The following LCN1 variants were observed in gnomAD, a reference collection of about 807,000 sequenced individuals.
LCN1 encodes the protein lipocalin 1.
LCN1 carries 25 observed loss-of-function variants against 22.3 expected under a neutral mutation model. The observed-to-expected ratio is 1.12, with a 90% CI of 0.82 to 1.56. LCN1 has a LOEUF of 1.56. LCN1 is among the 40% of genes most tolerant of loss of function. The probability of loss-of-function intolerance (pLI) is 0.00; values close to 1 mark genes in which losing one functional copy is unlikely to be tolerated. For synonymous variants in LCN1, 85 were observed against 97.6 expected, an observed-to-expected ratio of 0.87 and a Z score of 0.76; for missense variants, 219 against 235.6, an observed-to-expected ratio of 0.93 and a Z score of 0.46.
At position 135,521,493 on chromosome 9, in the gene LCN1, C is replaced by T. The variant is rs201058632; in HGVS notation, c.-5C>T. The T allele has an allele frequency of 1.2e-4, 201 of 1,611,578 alleles. No individual in the cohort carries two copies. The Middle Eastern group carries it at 3.2e-3, about 26-fold the overall frequency. On this transcript the variant is annotated 5_prime_UTR_variant, in exon 1 of 7. Coordinates refer to ENST00000371781, the MANE Select transcript of LCN1 (RefSeq NM_002297.4). ...GTCAGGCGGCCGTGGACTCAGACTC[C>T]GGAGATGAAGCCCCTGCTCCTGGCC... is the stretch of plus-strand genomic sequence containing the variant.
At position 135,524,004 on chromosome 9, in the gene LCN1, C is replaced by A. The variant is rs1407929344; in HGVS notation, c.403+14C>A. On this transcript the variant is annotated intron_variant, in intron 4 of 6. Transcript: ENST00000371781. ...TGAAGCTCGTGGGTGGGTCCCGCACCCTCACCCTGCAACCCATGCCTCCAC... is the reference window on the plus strand; with the variant it reads ...TGAAGCTCGTGGGTGGGTCCCGCACACTCACCCTGCAACCCATGCCTCCAC... 3 of 1,597,260 alleles carry A rather than the reference C, an allele frequency of 1.9e-6. No homozygotes were observed. In the Admixed American group the frequency reaches 5.0e-5, roughly 27 times the overall value.
chr9:135,522,488 C>T lies in LCN1; in HGVS notation c.221+311C>T, dbSNP rs58661479. ...TTTGGGAAAAGGTGTTTACCCCCGA[C>T]CAGAGTCAGAGCCAGTCCTGGCAGT... On this transcript the variant is annotated intron_variant, in intron 2 of 6. Transcript: ENST00000371781. 4.1e-3 allele frequency among the ~76,000 whole-genome samples: 631 copies of T among 152,346 alleles called. 5 individuals carry two copies. The highest frequency in any genetic ancestry group is 0.015 in the African/African-American group (606 of 41,576).
chr9:135,521,973 A>G (rs1201659193), intron 1 of LCN1, 74 bp from the exon 2 acceptor site: 9 of 1,556,208 alleles, frequency 5.8e-6, no homozygotes, highest in Non-Finnish European at 7.8e-6. Flanking sequence ...GGTAGAGTCT[A>G]GGGGCTGCAG....
intron 2 of LCN1, among the ~76,000 whole-genome samples, chr9:135,523,014 C>A (rs531602314): frequency 6.6e-6 from 1 of 152,148 alleles, no homozygotes; most frequent in African/African-American, 2.4e-5. Flanking sequence ...CCAGGAGGAG[C>A]GGTGCAGAGC....
chr9:135,524,011 C>G (rs1313724973), intron 4 of LCN1, 21 bp downstream of exon 4: 1 of 1,584,978 alleles, frequency 6.3e-7, no homozygotes, highest in Non-Finnish European at 8.7e-7. Flanking sequence ...CACCCTCACC[C>G]TGCAACCCAT....
rs369346571 is a variant in LCN1 at position 135,523,285 on chromosome 9, C to T, written c.275C>T (p.Pro92Leu). Reference protein sequence around the residue: ...VKAVLEKTDEPGKYTADGGKH... With the variant: ...VKAVLEKTDELGKYTADGGKH... The stretch of plus-strand genomic sequence containing the variant: ...GCCGTCCTGGAGAAAACTGACGAGC[C>T]GGGAAAATACACGGCCGGTGAGTCC... Residue 92 changes from proline to leucine, a missense_variant, in exon 3 of 7, where the codon CCG (proline) becomes CTG (leucine). Pro to Leu is a moderately conservative substitution (Grantham distance 98). Coordinates refer to ENST00000371781, the MANE Select transcript of LCN1 (RefSeq NM_002297.4). 26 of 1,612,916 alleles carry T rather than the reference C, an allele frequency of 1.6e-5. No individual in the cohort carries two copies. Among genetic ancestry groups the T allele is most frequent in the African/African-American group, 1.1e-4 (8 of 74,902 alleles).
Position 135,526,485 on chromosome 9 carries a change from CT to C in LCN1, c.*144del. On this transcript the variant is annotated 3_prime_UTR_variant, in exon 7 of 7. Transcript: ENST00000371781. ...CTTCCTACCACCCCCCGCCTTCCCCCTGCCCTGCGCCCCCTCTCCTGGTTCT... is the reference window on the plus strand; with the variant it reads ...CTTCCTACCACCCCCCGCCTTCCCCCGCCCTGCGCCCCCTCTCCTGGTTCT... 1 of 1,279,790 alleles carries C rather than the reference CT, an allele frequency of 7.8e-7. No homozygotes were observed. Among genetic ancestry groups the C allele is most frequent in the Non-Finnish European group, 1.0e-6 (1 of 983,186 alleles). The allele number at this position is 1,279,790 out of a possible 1,614,324, so 79.3% of individuals were successfully genotyped here. A position where few individuals can be genotyped will look rare whatever the true frequency, so the allele number is the denominator to read the frequency against.
In LCN1 at chr9:135,524,933, T is replaced by C. The variant is rs1554740454; in HGVS notation, c.505+2T>C. On this transcript the variant is annotated splice_donor_variant, in intron 5 of 6. Transcript: ENST00000371781. LOFTEE classifies it high-confidence loss of function. ...GCATCCTCATCCCCAGGCAGAGCGG[T>C]AGGAGGCATGGCCCTGCAGAGCCCC... is the stretch of plus-strand genomic sequence containing the variant. 3.1e-6 allele frequency: 5 copies of C among 1,604,626 alleles called. No homozygotes were observed. Among genetic ancestry groups the C allele is most frequent in the Non-Finnish European group, 2.6e-6 (3 of 1,175,860 alleles).
chr9:135,521,945 T>C (rs1357644303), intron 1 of LCN1, 102 bp from the exon 2 acceptor site: 2 of 1,505,536 alleles, frequency 1.3e-6, no homozygotes, highest in South Asian at 1.3e-5. Context: ...CGTTCCCCGT[T>C]TCCAGCCCTC....
At chr9:135,521,689 G>C in intron 1 of LCN1, 102 bp downstream of exon 1, 10 of 1,066,238 alleles carry the variant, frequency 9.4e-6, no homozygotes, top group Non-Finnish European at 1.4e-5. Flanking sequence ...CCTCGTTTTT[G>C]GGTTGGGCAT....
chr9:135,525,533 A>T (rs994011514), intron 6 of LCN1, among the ~76,000 whole-genome samples: 49 of 152,060 alleles, frequency 3.2e-4, no homozygotes, highest in African/African-American at 9.7e-4. Context: ...TTGCTCAAAG[A>T]TTCAGCAAAG....
At position 135,523,154 on chromosome 9, in the gene LCN1, G is replaced by T. The variant is rs573696976; in HGVS notation, c.222-78G>T. Reference sequence around the variant, plus strand: ...GGCAGACTCGGGGCCACATTTGCAGGGCATTGCAGCATGGTTGCTCCAGGG... The same window carrying T: ...GGCAGACTCGGGGCCACATTTGCAGTGCATTGCAGCATGGTTGCTCCAGGG... On this transcript the variant is annotated intron_variant, in intron 2 of 6. Coordinates refer to ENST00000371781, the MANE Select transcript of LCN1 (RefSeq NM_002297.4). 6.6e-4 allele frequency: 883 copies of T among 1,333,020 alleles called. 6 individuals are homozygous for T. In the African/African-American group the frequency reaches 0.012, roughly 18 times the overall value. 82.6% of individuals were successfully genotyped at this position (1,333,020 alleles called of 1,614,324 possible).
intron 6 of LCN1, 27 bp from the exon 7 acceptor site, chr9:135,526,317 C>G: frequency 8.5e-7 from 1 of 1,182,316 alleles, no homozygotes; most frequent in Non-Finnish European, 1.1e-6. Flanking sequence ...GCTGTCCTGG[C>G]CTCACTCACC....
rs141824251 is a variant in LCN1, at chr9:135,523,955, T to A, written c.368T>A (p.Leu123Gln). ...TACATCTTTTACTGTGAGGGCGAGC[T>A]GCACGGGAAGCCGGTCCGAGGGGTG... Reference protein sequence around the residue: ...DHYIFYCEGELHGKPVRGVKL... With the variant: ...DHYIFYCEGEQHGKPVRGVKL... The change falls in exon 4 of 7, where the codon CTG (leucine) becomes CAG (glutamine). Residue 123 changes from leucine (L) to glutamine (Q), a missense_variant. Physicochemically the swap from Leu to Gln is moderately radical, Grantham distance 113. Transcript: ENST00000371781. 9 of 1,613,908 alleles carry A rather than the reference T, an allele frequency of 5.6e-6. No homozygotes were observed. The African/African-American group carries it at 1.2e-4, about 22-fold the overall frequency.
intron 5 of LCN1, 62 bp from the exon 6 acceptor site, chr9:135,525,070 G>T (rs974080872): frequency 6.9e-6 from 11 of 1,589,126 alleles, no homozygotes; most frequent in African/African-American, 5.4e-5. Context: ...TGGCTGATGA[G>T]GGGCCCCGGT....
intron 6 of LCN1, among the ~76,000 whole-genome samples, chr9:135,526,043 C>T (rs1831637309): frequency 8.4e-6 from 1 of 118,552 alleles, no homozygotes; most frequent in East Asian, 2.6e-4. Flanking sequence ...TGTGCCCACA[C>T]ACCATAGCCC....
At position 135,521,912 on chromosome 9, in the gene LCN1, T is replaced by C. The variant is rs1009460576; in HGVS notation, c.91-135T>C. On this transcript the variant is annotated intron_variant, in intron 1 of 6. Coordinates refer to ENST00000371781, the MANE Select transcript of LCN1 (RefSeq NM_002297.4). ...GGCCTGGCGAGGGTGCTGGGTGTTT[T>C]CTGGGTGGGTTAGATTGGGGAACGT... 1.6e-5 allele frequency: 23 copies of C among 1,416,948 alleles called. No individual in the cohort carries two copies. The African/African-American group carries it at 3.3e-4, about 20-fold the overall frequency. The allele number at this position is 1,416,948 out of a possible 1,614,324, so 87.8% of individuals were successfully genotyped here.
intron 6 of LCN1, 123 bp downstream of exon 6, chr9:135,525,281 A>G (rs1831605795): frequency 1.1e-6 from 1 of 911,644 alleles, no homozygotes; most frequent in Non-Finnish European, 1.7e-6. Context: ...TGCCCCACGT[A>G]GGTCAGGCAG....
In LCN1 at chr9:135,523,263, G is replaced by C. The variant is rs751317734; in HGVS notation, c.253G>C (p.Val85Leu). The C allele has an allele frequency of 6.2e-7, 1 of 1,612,686 alleles. No homozygotes were observed. Among genetic ancestry groups the C allele is most frequent in the South Asian group, 1.1e-5 (1 of 90,922 alleles). The change falls in exon 3 of 7, where the codon GTC becomes CTC. Residue 85 changes from valine (V) to leucine (L), a missense_variant. Coordinates refer to ENST00000371781, the MANE Select transcript of LCN1 (RefSeq NM_002297.4). Reference sequence around the variant, plus strand: ...TGGCCGGTGCCAGGAGGTGAAGGCCGTCCTGGAGAAAACTGACGAGCCGGG... The same window carrying C: ...TGGCCGGTGCCAGGAGGTGAAGGCCCTCCTGGAGAAAACTGACGAGCCGGG... ...ISGRCQEVKA[V>L]LEKTDEPGKY...
Sources: allele counts gnomAD v4.1 joint callset (sites outside exome capture counted in the v4.1 genomes callset), GRCh38; gene constraint gnomAD v4.1.1; transcripts MANE v1.5; gene names NCBI Gene and HGNC (gene_info 2026-07-23, HGNC 2026-07-21).